The following MEIS1 variants were observed in gnomAD, a reference collection of about 807,000 sequenced individuals.
The protein encoded by MEIS1 is Meis homeobox 1.
Under a neutral mutation model 50.8 loss-of-function variants are expected in MEIS1, and 5 were observed. The ratio of observed to expected loss-of-function variants is 0.10; its 90% CI spans 0.05 to 0.21. The LOEUF is 0.21. Ranked by LOEUF, MEIS1 falls within the 10% of genes least tolerant of loss-of-function variation. The pLI, the probability that MEIS1 is intolerant of heterozygous loss-of-function variation, is 1.00. For synonymous variants in MEIS1, 176 were observed against 179.3 expected, an observed-to-expected ratio of 0.98 and a Z score of 0.15; for missense variants, 318 against 517.3, an observed-to-expected ratio of 0.61 and a Z score of 3.74.
At chr2:66,555,280 C>CTCTCTCTCTCTCTCT (rs10695722) in intron 9 of MEIS1, among the ~76,000 whole-genome samples, 6,449 of 133,826 alleles carry the variant, frequency 0.048, 285 homozygotes, top group East Asian at 0.094. Context: ...CTCTCTCTCT[C>CTCTCTCTCTCTCTCT]GTCTCTCTCC....
At chr2:66,467,944 A>G (rs1056807769) in intron 7 of MEIS1, among the ~76,000 whole-genome samples, 1 of 152,212 alleles carries the variant, frequency 6.6e-6, no homozygotes, top group Non-Finnish European at 1.5e-5. Context: ...ACTTCCTCAA[A>G]GTACTTCCAA....
intron 8 of MEIS1, among the ~76,000 whole-genome samples, chr2:66,517,571 G>T (rs762521207): frequency 3.3e-5 from 5 of 152,106 alleles, no homozygotes; most frequent in Admixed American, 6.5e-5. Context: ...AACTAACCCA[G>T]GCTTGGATGA....
chr2:66,546,211 G>C (rs1465816568), intron 8 of MEIS1, among the ~76,000 whole-genome samples: 1 of 152,150 alleles, frequency 6.6e-6, no homozygotes, highest in Non-Finnish European at 1.5e-5. Context: ...GGTGGGGAGG[G>C]TAAAGCTGAA....
chr2:66,550,117 A>T (rs1024291362), intron 9 of MEIS1, among the ~76,000 whole-genome samples: 3 of 152,170 alleles, frequency 2.0e-5, no homozygotes, highest in African/African-American at 7.2e-5. Context: ...ACTTTACCCT[A>T]AACTTCACAC....
intron 8 of MEIS1, among the ~76,000 whole-genome samples, chr2:66,538,879 T>C (rs972810773): frequency 2.0e-5 from 3 of 148,310 alleles, no homozygotes; most frequent in African/African-American, 7.9e-5. Flanking sequence ...TTAAAAGAGT[T>C]TTTTTTTTTT....
intron 7 of MEIS1, among the ~76,000 whole-genome samples, chr2:66,499,905 T>C (rs755877954): frequency 1.3e-5 from 2 of 152,202 alleles, no homozygotes; most frequent in East Asian, 1.9e-4. Flanking sequence ...AGTGGACATA[T>C]GAGTTTATGC....
chr2:66,526,624 T>G (rs1314439812), intron 8 of MEIS1, among the ~76,000 whole-genome samples: 2 of 152,210 alleles, frequency 1.3e-5, no homozygotes, highest in East Asian at 3.9e-4. Context: ...CTGATGGCAT[T>G]GTAGACTACT....
At chr2:66,556,100 GCAAA>G (rs1675057714) in intron 9 of MEIS1, among the ~76,000 whole-genome samples, 1 of 151,670 alleles carries the variant, frequency 6.6e-6, no homozygotes, top group Non-Finnish European at 1.5e-5. Context: ...TGTAACTTTG[GCAAA>G]TATAAGGCTG....
intron 8 of MEIS1, among the ~76,000 whole-genome samples, chr2:66,518,781 C>G (rs1034081904): frequency 2.0e-5 from 3 of 152,112 alleles, no homozygotes; most frequent in Non-Finnish European, 4.4e-5. Flanking sequence ...TTCTTTCTTT[C>G]TTCATGTTTA....
intron 5 of MEIS1, 140 bp from the exon 6 acceptor site, chr2:66,442,762 T>TG (rs1204222658): frequency 4.1e-6 from 3 of 730,688 alleles, no homozygotes; most frequent in Non-Finnish European, 4.4e-6. Flanking sequence ...TGGATGCGTC[T>TG]GGGGGTCTCT....
chr2:66,518,738 A>G (rs1435431128), intron 8 of MEIS1, among the ~76,000 whole-genome samples: 4 of 152,200 alleles, frequency 2.6e-5, no homozygotes, highest in African/African-American at 9.7e-5. Context: ...TAACGAACTC[A>G]ATCCAACCCC....
chr2:66,539,900 G>A (rs1184253805), intron 8 of MEIS1, among the ~76,000 whole-genome samples: 2 of 152,042 alleles, frequency 1.3e-5, no homozygotes, highest in Non-Finnish European at 2.9e-5. Flanking sequence ...GCAGGGAAAT[G>A]GCAACTCTTT....
chr2:66,545,998 A>G (rs548555281), intron 8 of MEIS1, among the ~76,000 whole-genome samples: 2 of 152,248 alleles, frequency 1.3e-5, no homozygotes, highest in Admixed American at 6.5e-5. Flanking sequence ...ACAAATATTT[A>G]GTGATTTTCT....
intron 6 of MEIS1, among the ~76,000 whole-genome samples, chr2:66,446,320 C>T (rs1558521977): frequency 6.6e-6 from 1 of 152,166 alleles, no homozygotes; most frequent in Non-Finnish European, 1.5e-5. Context: ...GAGCAGTCGG[C>T]TTCCTTCCTA....
chr2:66,560,105 T>A (rs75524860), intron 9 of MEIS1, among the ~76,000 whole-genome samples: 151 of 90,950 alleles, frequency 1.7e-3, no homozygotes, highest in Non-Finnish European at 3.5e-3. Context: ...CATCACTTTT[T>A]TTTTTTTTTT....
At chr2:66,504,117 A>C (rs1178332621) in intron 7 of MEIS1, among the ~76,000 whole-genome samples, 1 of 152,062 alleles carries the variant, frequency 6.6e-6, no homozygotes, top group Non-Finnish European at 1.5e-5. Context: ...TCATAGGAAG[A>C]AGTATTTTCT....
Position 66,571,680 on chromosome 2 carries a change from C to A in MEIS1, c.*472C>A. 1.2e-6 allele frequency: 1 copy of A among 837,312 alleles called. No homozygotes were observed. The highest frequency in any genetic ancestry group is 1.8e-6 in the Non-Finnish European group (1 of 544,072). 51.9% of individuals were successfully genotyped at this position (837,312 alleles called of 1,614,324 possible). The stretch of plus-strand genomic sequence containing the variant: ...ACCTTTAAAAAGCAGGAAATACCAA[C>A]TGAAGTCAATTTGGGGGACATGCTA... On this transcript the variant is annotated 3_prime_UTR_variant, in exon 13 of 13. Coordinates refer to ENST00000272369, the MANE Select transcript of MEIS1 (RefSeq NM_002398.3).
At chr2:66,528,405 G>A (rs1450162224) in intron 8 of MEIS1, among the ~76,000 whole-genome samples, 15 of 151,884 alleles carry the variant, frequency 9.9e-5, no homozygotes, top group Admixed American at 9.8e-4. Flanking sequence ...TAAGAAAGTC[G>A]AAGAATCCAT....
intron 6 of MEIS1, among the ~76,000 whole-genome samples, chr2:66,459,098 G>A (rs971472347): frequency 2.0e-5 from 3 of 152,154 alleles, no homozygotes; most frequent in African/African-American, 7.2e-5. Flanking sequence ...TCTCAGAGCA[G>A]CAGAGCCTCA....
Sources: allele counts gnomAD v4.1 joint callset (sites outside exome capture counted in the v4.1 genomes callset), GRCh38; gene constraint gnomAD v4.1.1; transcripts MANE v1.5; gene names NCBI Gene and HGNC (gene_info 2026-07-23, HGNC 2026-07-21).